Variants in UBE2E2 observed in about 807,000 individuals in gnomAD.
UBE2E2 encodes ubiquitin-conjugating enzyme E2 E2.
UBE2E2 carries 6 observed loss-of-function variants against 24.7 expected under a neutral mutation model. That is an observed-to-expected ratio of 0.24 (90% CI 0.13 to 0.48). UBE2E2 has a LOEUF of 0.48. Among genes scored for constraint, UBE2E2 ranks in the 20% least tolerant of loss-of-function variants. The pLI is 0.99. For missense variants in UBE2E2, 169 were observed against 245.0 expected (o/e 0.69, Z 2.07); for synonymous variants, 104 against 83.6 (o/e 1.24, Z -1.33).
At chr3:23,523,692 C>A (rs900251655) in intron 4 of UBE2E2, among the ~76,000 whole-genome samples, 1 of 151,986 alleles carries the variant, frequency 6.6e-6, no homozygotes, top group Admixed American at 6.5e-5. Context: ...AGGATTTATT[C>A]CCTCACTATA....
chr3:23,297,685 T>G (rs939509069), intron 3 of UBE2E2, among the ~76,000 whole-genome samples: 1 of 152,144 alleles, frequency 6.6e-6, no homozygotes, highest in Non-Finnish European at 1.5e-5. Flanking sequence ...TTTTGGTTAC[T>G]GTAGCCTTGT....
rs112987485 is a variant in UBE2E2, at chr3:23,247,016, A to G, written c.227+29704A>G. ...ATGTGTGTGTTAATATGCTCAGCTA[A>G]TTTAAAAACGTTTTTTATTGTAGAG... is the stretch of plus-strand genomic sequence containing the variant. On this transcript the variant is annotated intron_variant, in intron 3 of 5. Transcript: ENST00000396703. 7.0e-4 allele frequency among the ~76,000 whole-genome samples: 106 copies of G among 152,182 alleles called. 1 individual carries two copies. The highest frequency in any genetic ancestry group is 2.5e-3 in the African/African-American group (104 of 41,532).
intron 3 of UBE2E2, chr3:23,323,438 G>T (rs560192299): frequency 5.6e-6 from 2 of 358,470 alleles, no homozygotes; most frequent in South Asian, 4.3e-5. Context: ...CCCAGGGCTA[G>T]CTCAGGTGTA....
At chr3:23,289,412 T>A (rs773852373) in intron 3 of UBE2E2, among the ~76,000 whole-genome samples, 20 of 152,248 alleles carry the variant, frequency 1.3e-4, no homozygotes, top group Non-Finnish European at 2.8e-4. Context: ...TTTGTTACTT[T>A]AGCTGGCATT....
At chr3:23,467,553 T>C (rs1022892942) in intron 3 of UBE2E2, among the ~76,000 whole-genome samples, 1 of 152,158 alleles carries the variant, frequency 6.6e-6, no homozygotes, top group Non-Finnish European at 1.5e-5. Flanking sequence ...CAATCAAGAT[T>C]AATGTAGGAT....
chr3:23,482,929 A>G (rs761732113), intron 3 of UBE2E2, among the ~76,000 whole-genome samples: 2 of 152,228 alleles, frequency 1.3e-5, no homozygotes, highest in Non-Finnish European at 2.9e-5. Context: ...GAATGTTATT[A>G]TATAAATATT....
chr3:23,206,291 AAAG>A (rs1696144266), intron 1 of UBE2E2, among the ~76,000 whole-genome samples: 2 of 152,072 alleles, frequency 1.3e-5, no homozygotes, highest in South Asian at 2.1e-4. Flanking sequence ...ATTTTAACTG[AAAG>A]AAGGTGAAAA....
At chr3:23,250,520 G>A (rs527306233) in intron 3 of UBE2E2, among the ~76,000 whole-genome samples, 3 of 152,094 alleles carry the variant, frequency 2.0e-5, no homozygotes, top group African/African-American at 7.2e-5. Context: ...TTTTAGTATT[G>A]TTTCCTCATA....
intron 3 of UBE2E2, among the ~76,000 whole-genome samples, chr3:23,452,003 A>G (rs903001136): frequency 6.6e-6 from 1 of 152,222 alleles, no homozygotes; most frequent in African/African-American, 2.4e-5. Context: ...ATAGAGATTT[A>G]ATTGTTAAAA....
At chr3:23,409,605 G>A (rs558865121) in intron 3 of UBE2E2, among the ~76,000 whole-genome samples, 2 of 152,150 alleles carry the variant, frequency 1.3e-5, no homozygotes. Flanking sequence ...TATTACTGAT[G>A]TGTGTTCTTC....
chr3:23,422,653 T>C (rs761092659), intron 3 of UBE2E2, among the ~76,000 whole-genome samples: 4 of 152,154 alleles, frequency 2.6e-5, no homozygotes, highest in Non-Finnish European at 4.4e-5. Context: ...GGTTATCAGG[T>C]GGAAGACAGA....
rs1696914211 is a variant in UBE2E2, at chr3:23,390,719, CTG to C, written c.228-108884_228-108883del. On this transcript the variant is annotated intron_variant, in intron 3 of 5. Coordinates refer to ENST00000396703, the MANE Select transcript of UBE2E2 (RefSeq NM_152653.4). ...CAAAAGCACTTCTGCACCTGCTTGCCTGTGTGCTCCCTCTCCCACAAGGGGTT... is the reference window on the plus strand; with the variant it reads ...CAAAAGCACTTCTGCACCTGCTTGCCTGTGCTCCCTCTCCCACAAGGGGTT... 1.3e-5 allele frequency among the ~76,000 whole-genome samples: 2 copies of C among 152,214 alleles called. 1 individual carries two copies. The highest frequency in any genetic ancestry group is 1.3e-4 in the Admixed American group (2 of 15,288).
In UBE2E2 at chr3:23,534,721, G is replaced by GT. The variant is rs1487564753; in HGVS notation, c.508+2027dup. ...TCTGGTACACTTTCAATCTCTGTAG[G>GT]TTTTTTTACCTACAGAGGTAGGAAA... On this transcript the variant is annotated intron_variant, in intron 5 of 5. Coordinates refer to ENST00000396703, the MANE Select transcript of UBE2E2 (RefSeq NM_152653.4). Among the ~76,000 whole-genome samples, 20 of 152,090 alleles carry GT rather than the reference G, an allele frequency of 1.3e-4. No homozygotes were observed. The South Asian group carries it at 2.7e-3, about 21-fold the overall frequency.
At chr3:23,521,132 T>G (rs1487793809) in intron 4 of UBE2E2, among the ~76,000 whole-genome samples, 1 of 152,238 alleles carries the variant, frequency 6.6e-6, no homozygotes, top group African/African-American at 2.4e-5. Context: ...AATGTATTAC[T>G]CCTTTCCTGA....
At chr3:23,579,210 G>A (rs1411950328) in intron 5 of UBE2E2, among the ~76,000 whole-genome samples, 1 of 152,108 alleles carries the variant, frequency 6.6e-6, no homozygotes, top group African/African-American at 2.4e-5. Context: ...GGCTAACATG[G>A]TGAAACCCCG....
At chr3:23,320,621 G>T (rs900810746) in intron 3 of UBE2E2, among the ~76,000 whole-genome samples, 7 of 152,292 alleles carry the variant, frequency 4.6e-5, no homozygotes, top group African/African-American at 1.4e-4. Flanking sequence ...AAGGTTCACT[G>T]TACAGAAAGG....
At chr3:23,389,450 C>T (rs1187357966) in intron 3 of UBE2E2, among the ~76,000 whole-genome samples, 1 of 152,196 alleles carries the variant, frequency 6.6e-6, no homozygotes, top group Non-Finnish European at 1.5e-5. Context: ...TCTTCCCTCC[C>T]AAGACATCTC....
intron 3 of UBE2E2, among the ~76,000 whole-genome samples, chr3:23,371,031 A>T (rs1031517311): frequency 2.0e-5 from 3 of 152,118 alleles, no homozygotes; most frequent in African/African-American, 7.2e-5. Flanking sequence ...TTTTTATTTT[A>T]AAAAATTTTT....
At chr3:23,233,658 A>G (rs1697026813) in intron 3 of UBE2E2, among the ~76,000 whole-genome samples, 1 of 152,194 alleles carries the variant, frequency 6.6e-6, no homozygotes, top group Non-Finnish European at 1.5e-5. Flanking sequence ...TATTATAATA[A>G]CAAAAGAACC....
Sources: allele counts gnomAD v4.1 joint callset (sites outside exome capture counted in the v4.1 genomes callset), GRCh38; gene constraint gnomAD v4.1.1; transcripts MANE v1.5; gene names NCBI Gene and HGNC (gene_info 2026-07-23, HGNC 2026-07-21).